The following RAB33A variants were observed in gnomAD, a reference collection of about 807,000 sequenced individuals.
The protein encoded by RAB33A is RAB33A, member RAS oncogene family.
Under a neutral mutation model 12.0 loss-of-function variants are expected in RAB33A, and 6 were observed. That is an observed-to-expected ratio of 0.50 (90% CI 0.27 to 0.99). RAB33A has a LOEUF of 0.99. RAB33A is among the 50% of genes least tolerant of loss of function. RAB33A has a pLI of 0.11. For missense variants in RAB33A, 109 were observed against 192.0 expected (o/e 0.57, Z 2.55); for synonymous variants, 70 against 82.4 (o/e 0.85, Z 0.81).
intron 1 of RAB33A, among the ~76,000 whole-genome samples, chrX:130,176,500 T>C (rs2124686288): frequency 8.9e-6 from 1 of 111,740 alleles, no homozygotes; most frequent in South Asian, 3.7e-4. Context: ...TCTGTTCCTC[T>C]ACTGATCACT....
the RAB33A span, chrX:130,155,179 C>T: frequency 8.3e-7 from 1 of 1,211,688 alleles, no homozygotes; most frequent in Non-Finnish European, 1.1e-6. Context: ...GCCCCAGTGA[C>T]TGTTGCTCCT....
At chrX:130,136,183 T>C in the RAB33A span, 1 of 1,212,135 alleles carries the variant, frequency 8.2e-7, no homozygotes, top group East Asian at 3.0e-5. Context: ...GGTCAGTTTC[T>C]ACCTGAGGCA....
the RAB33A span, among the ~76,000 whole-genome samples, chrX:130,128,441 G>A: frequency 9.0e-6 from 1 of 111,085 alleles, no homozygotes. Context: ...GCGTGGTGGC[G>A]CATGCCTGTA....
the RAB33A span, among the ~76,000 whole-genome samples, chrX:130,164,992 G>A: frequency 9.2e-6 from 1 of 108,986 alleles, no homozygotes; most frequent in African/African-American, 3.4e-5. Context: ...AGAAGTACAC[G>A]GCTCAGGCAT....
chrX:130,130,067 T>A, the RAB33A span: 1 of 1,211,049 alleles, frequency 8.3e-7, no homozygotes, highest in Non-Finnish European at 1.1e-6. Context: ...GCCGTAGTCC[T>A]CCCCCTGGAC....
At chrX:130,149,930 G>T in the RAB33A span, among the ~76,000 whole-genome samples, 2 of 112,061 alleles carry the variant, frequency 1.8e-5, no homozygotes, top group African/African-American at 6.5e-5. Context: ...GCACAGAAAC[G>T]GGGTTTGGAC....
chrX:130,111,249 C>A, the RAB33A span, among the ~76,000 whole-genome samples: 1 of 111,879 alleles, frequency 8.9e-6, no homozygotes, highest in African/African-American at 3.2e-5. Context: ...CAGCGAGACT[C>A]CGAGCTCTCT....
the RAB33A span, chrX:130,156,429 A>G: frequency 8.3e-7 from 1 of 1,210,457 alleles, no homozygotes; most frequent in Admixed American, 2.2e-5. Context: ...GCTGTTTGGC[A>G]GCTTCTTTAT....
At chrX:130,161,152 G>T in the RAB33A span, among the ~76,000 whole-genome samples, 1 of 110,997 alleles carries the variant, frequency 9.0e-6, no homozygotes, top group African/African-American at 3.3e-5. Context: ...GATCCTAAAT[G>T]GTTAAGAGAT....
chrX:130,122,746 A>G, the RAB33A span, among the ~76,000 whole-genome samples: 1 of 111,853 alleles, frequency 8.9e-6, no homozygotes, highest in East Asian at 2.8e-4. Context: ...TGTATGTGCT[A>G]GGATCATGGC....
the RAB33A span, chrX:130,136,054 G>A: frequency 1.7e-6 from 2 of 1,209,991 alleles, no homozygotes; most frequent in Non-Finnish European, 2.2e-6. Context: ...CCACCCAGAT[G>A]TTAGAGCGTG....
chrX:130,184,821 C>T lies in RAB33A; in HGVS notation c.*81C>T. On this transcript the variant is annotated 3_prime_UTR_variant, in exon 2 of 2. Transcript: ENST00000257017. ...TTTCTGTGCCTGCATAATGCTGACA[C>T]CTGCTTGTTTCCATACAAATTGATA... 1.1e-6 allele frequency: 1 copy of T among 876,306 alleles called. No individual in the cohort carries two copies. The highest frequency in any genetic ancestry group is 1.6e-6 in the Non-Finnish European group (1 of 631,167). 72.2% of individuals were successfully genotyped at this position (876,306 alleles called of 1,213,427 possible). A position where few individuals can be genotyped will look rare whatever the true frequency, so the allele number is the denominator to read the frequency against.
At chrX:130,132,585 T>C in the RAB33A span, among the ~76,000 whole-genome samples, 1 of 112,394 alleles carries the variant, frequency 8.9e-6, no homozygotes, top group Non-Finnish European at 1.9e-5. Flanking sequence ...ATTTAAAAAA[T>C]TCAGACGAGC....
upstream of RAB33A, chrX:130,171,678 A>C: frequency 6.0e-6 from 1 of 167,239 alleles, no homozygotes; most frequent in East Asian, 1.4e-4. Flanking sequence ...CAGGCAGGGG[A>C]GGGTGTGGGC....
At chrX:130,180,335 C>T (rs1254887245) in intron 1 of RAB33A, among the ~76,000 whole-genome samples, 3 of 112,843 alleles carry the variant, frequency 2.7e-5, no homozygotes. Context: ...CACTGGGGCT[C>T]ACGCCTGTAA....
At chrX:130,131,783 C>T in the RAB33A span, 7 of 1,210,276 alleles carry the variant, frequency 5.8e-6, no homozygotes, top group Admixed American at 4.4e-5. Flanking sequence ...TAGCCAACAT[C>T]GGGGCCCAAA....
chrX:130,121,076 G>A, the RAB33A span, among the ~76,000 whole-genome samples: 2 of 112,137 alleles, frequency 1.8e-5, no homozygotes, highest in East Asian at 5.7e-4. Context: ...AGCGCCCCGA[G>A]CTTCCACTCC....
the RAB33A span, chrX:130,156,581 A>G: frequency 8.3e-7 from 1 of 1,212,013 alleles, no homozygotes. Flanking sequence ...CTAGAGGAAC[A>G]TGCCATCGCT....
the RAB33A span, among the ~76,000 whole-genome samples, chrX:130,162,307 T>A: frequency 9.0e-6 from 1 of 111,328 alleles, no homozygotes; most frequent in South Asian, 3.8e-4. Context: ...AGGGGAAGAG[T>A]CACTACTCAT....
Sources: gnomAD v4.1 joint callset for allele counts (sites outside exome capture counted in the v4.1 genomes callset) on GRCh38, gnomAD v4.1.1 for gene constraint, MANE v1.5 for transcripts, NCBI Gene and HGNC (gene_info 2026-07-23, HGNC 2026-07-21) for gene names.